The following PCSK5 variants were observed in gnomAD, a reference collection of about 807,000 sequenced individuals.
PCSK5 encodes prohormone convertase 5.
A neutral mutation model predicts 233.2 loss-of-function variants in PCSK5; 129 were observed. The ratio of observed to expected loss-of-function variants is 0.55; its 90% CI spans 0.48 to 0.64. The LOEUF is 0.64. Ranked by LOEUF, PCSK5 falls within the 30% of genes least tolerant of loss-of-function variation. The pLI, the probability that PCSK5 is intolerant of heterozygous loss-of-function variation, is 0.00. For missense variants in PCSK5, 2,076 were observed against 2,430.1 expected (o/e 0.85, Z 3.06); for synonymous variants, 825 against 879.2 (o/e 0.94, Z 1.09).
intron 26 of PCSK5, 103 bp downstream of exon 26, chr9:76,295,514 G>C: frequency 9.8e-7 from 1 of 1,020,666 alleles, no homozygotes; most frequent in Non-Finnish European, 1.4e-6. Flanking sequence ...GAGTCTGTGC[G>C]TGTGGGCACC....
intron 2 of PCSK5, among the ~76,000 whole-genome samples, chr9:75,977,649 G>A (rs1826083069): frequency 6.6e-6 from 1 of 150,574 alleles, no homozygotes; most frequent in South Asian, 2.1e-4. Flanking sequence ...CTCACTCTGT[G>A]ACCCAGGCAG....
chr9:76,293,269 G>A (rs1460237369), intron 25 of PCSK5, among the ~76,000 whole-genome samples: 1 of 152,186 alleles, frequency 6.6e-6, no homozygotes, highest in Non-Finnish European at 1.5e-5. Flanking sequence ...AGTAAAAGGA[G>A]TGTGGAGGAT....
At chr9:76,103,497 T>C (rs2131671432) in intron 8 of PCSK5, among the ~76,000 whole-genome samples, 1 of 152,196 alleles carries the variant, frequency 6.6e-6, no homozygotes, top group East Asian at 1.9e-4. Context: ...GAGAATTACA[T>C]CAACAGGCTA....
At chr9:76,187,413 A>T (rs762106949) in intron 17 of PCSK5, among the ~76,000 whole-genome samples, 34 of 152,038 alleles carry the variant, frequency 2.2e-4, no homozygotes, top group Non-Finnish European at 4.7e-4. Context: ...CTGACAGCCA[A>T]GCTAGAGTGC....
chr9:76,015,315 C>T lies in PCSK5; in HGVS notation c.412-8423C>T, dbSNP rs560681898. ...TGTGGACAGTTTTCTTTTACTAGCT[C>T]CATCTATCCAAACGCTAATCCCTTC... On this transcript the variant is annotated intron_variant, in intron 3 of 37. Transcript: ENST00000674117. Among the ~76,000 whole-genome samples, 235 of 152,314 alleles carry T rather than the reference C, an allele frequency of 1.5e-3. 1 individual carries two copies. Among genetic ancestry groups the T allele is most frequent in the African/African-American group, 5.4e-3 (225 of 41,570 alleles).
chr9:76,003,757 T>C (rs1001837171), intron 3 of PCSK5, among the ~76,000 whole-genome samples: 4 of 152,202 alleles, frequency 2.6e-5, no homozygotes, highest in African/African-American at 9.7e-5. Context: ...CTATCCCTTT[T>C]GATTCCAGAA....
At chr9:76,338,787 C>T (rs1829753721) in intron 35 of PCSK5, among the ~76,000 whole-genome samples, 1 of 152,058 alleles carries the variant, frequency 6.6e-6, no homozygotes, top group African/African-American at 2.4e-5. Context: ...TTCCCTGAGA[C>T]TTCTGCCTCA....
At chr9:75,891,984 C>T (rs1825628876) in intron 1 of PCSK5, among the ~76,000 whole-genome samples, 1 of 152,024 alleles carries the variant, frequency 6.6e-6, no homozygotes, top group Non-Finnish European at 1.5e-5. Context: ...TTAGGGGAGA[C>T]CTCTAGGCTT....
At chr9:76,171,471 ACT>A (rs1406711672) in intron 13 of PCSK5, among the ~76,000 whole-genome samples, 1 of 152,072 alleles carries the variant, frequency 6.6e-6, no homozygotes, top group Non-Finnish European at 1.5e-5. Context: ...ACTAAACGTG[ACT>A]CTGTTCTTTA....
chr9:76,111,915 G>A (rs1832234454), intron 9 of PCSK5, among the ~76,000 whole-genome samples: 1 of 152,042 alleles, frequency 6.6e-6, no homozygotes, highest in Admixed American at 6.6e-5. Context: ...GTTAAATGAT[G>A]TTTTCTATAA....
chr9:76,348,515 G>A (rs1830036062), intron 35 of PCSK5, among the ~76,000 whole-genome samples: 1 of 151,938 alleles, frequency 6.6e-6, no homozygotes, highest in Admixed American at 6.6e-5. Flanking sequence ...CCAGGAGGTC[G>A]AGGCTGCAGT....
At chr9:76,355,880 T>G (rs184131864) in intron 37 of PCSK5, among the ~76,000 whole-genome samples, 1 of 152,164 alleles carries the variant, frequency 6.6e-6, no homozygotes, top group Admixed American at 6.5e-5. Context: ...ATTTTTGTAT[T>G]TTTAGTACAG....
intron 10 of PCSK5, among the ~76,000 whole-genome samples, chr9:76,148,009 A>C (rs935389470): frequency 6.6e-6 from 1 of 152,078 alleles, no homozygotes; most frequent in Non-Finnish European, 1.5e-5. Context: ...CCCTGCAAGT[A>C]GTCTGAATTA....
intron 3 of PCSK5, among the ~76,000 whole-genome samples, chr9:75,994,147 C>T (rs1444129942): frequency 6.6e-6 from 1 of 152,066 alleles, no homozygotes; most frequent in Non-Finnish European, 1.5e-5. Context: ...AATTCATGAT[C>T]CTACCCCCCA....
At chr9:76,302,771 G>A (rs1402451700) in intron 28 of PCSK5, among the ~76,000 whole-genome samples, 4 of 152,112 alleles carry the variant, frequency 2.6e-5, no homozygotes, top group African/African-American at 9.7e-5. Context: ...GATACAGCTT[G>A]TATGAAAAAG....
intron 2 of PCSK5, among the ~76,000 whole-genome samples, chr9:75,942,685 G>T (rs1824367292): frequency 6.6e-6 from 1 of 152,090 alleles, no homozygotes; most frequent in African/African-American, 2.4e-5. Context: ...AGGCTTAACA[G>T]ACTTGTTCGA....
At chr9:75,987,295 A>G (rs560971633) in intron 3 of PCSK5, among the ~76,000 whole-genome samples, 6 of 152,106 alleles carry the variant, frequency 3.9e-5, no homozygotes, top group African/African-American at 1.4e-4. Flanking sequence ...CTGTGTTCCT[A>G]TCTTTTGTCA....
intron 1 of PCSK5, among the ~76,000 whole-genome samples, chr9:75,901,542 A>T (rs1215170322): frequency 1.3e-5 from 2 of 151,690 alleles, no homozygotes; most frequent in African/African-American, 2.4e-5. Flanking sequence ...AACCTTGATG[A>T]CGGGTTGATG....
chr9:76,020,310 C>T (rs1031351975), intron 3 of PCSK5, among the ~76,000 whole-genome samples: 1 of 152,174 alleles, frequency 6.6e-6, no homozygotes, highest in Non-Finnish European at 1.5e-5. Flanking sequence ...TGTTGGGTGA[C>T]ATCAGTATTT....
Sources: allele counts gnomAD v4.1 joint callset (sites outside exome capture counted in the v4.1 genomes callset), GRCh38; gene constraint gnomAD v4.1.1; transcripts MANE v1.5; gene names NCBI Gene and HGNC (gene_info 2026-07-23, HGNC 2026-07-21).